The following PHF24 variants were observed in gnomAD, a reference collection of about 807,000 sequenced individuals.
PHF24 encodes the protein PHD finger protein 24.
In PHF24, 25 loss-of-function variants were observed where a neutral mutation model predicts 42.6. The ratio of observed to expected loss-of-function variants is 0.59; its 90% CI spans 0.43 to 0.82. The LOEUF is 0.82. Among genes scored for constraint, PHF24 ranks in the 40% least tolerant of loss-of-function variants. The pLI is 0.00. For synonymous variants in PHF24, 185 were observed against 204.8 expected (o/e 0.90, Z 0.83); for missense variants, 470 against 538.1 (o/e 0.87, Z 1.25).
At chr9:34,963,230 A>G (rs1275084464) in intron 1 of PHF24, among the ~76,000 whole-genome samples, 2 of 151,760 alleles carry the variant, frequency 1.3e-5, no homozygotes, top group Non-Finnish European at 2.9e-5. Flanking sequence ...GATTTCCTCA[A>G]AGACCCGCAC....
At chr9:34,873,981 C>T in the PHF24 span, among the ~76,000 whole-genome samples, 4 of 152,098 alleles carry the variant, frequency 2.6e-5, no homozygotes, top group Admixed American at 2.6e-4. Flanking sequence ...GAAGTTCACT[C>T]ATGATTTGGC....
the PHF24 span, chr9:34,918,378 T>G: frequency 1.2e-5 from 8 of 686,592 alleles, no homozygotes; most frequent in Non-Finnish European, 2.1e-5. Flanking sequence ...TTGTCCCAAT[T>G]GTAACTCGAA....
the PHF24 span, among the ~76,000 whole-genome samples, chr9:34,951,348 T>C: frequency 6.6e-6 from 1 of 152,214 alleles, no homozygotes; most frequent in African/African-American, 2.4e-5. Context: ...AAGGGGTCTT[T>C]GCAGATATGA....
the PHF24 span, chr9:34,665,647 T>C: frequency 5.7e-6 from 4 of 700,104 alleles, no homozygotes; most frequent in African/African-American, 1.8e-5. Context: ...TCGTATCTCC[T>C]CATTCCCGAC....
Position 34,968,534 on chromosome 9 carries a change from C to T in PHF24, c.-4-2761C>T, listed in dbSNP as rs529584756. The stretch of plus-strand genomic sequence containing the variant: ...AATGGAGTCGGGGAGGTGGTTCTTT[C>T]CTTTCCTATCAATCAGTTTATAAAT... On this transcript the variant is annotated intron_variant, in intron 1 of 7. Coordinates refer to ENST00000242315, the Ensembl canonical transcript of PHF24. Among the ~76,000 whole-genome samples the T allele has an allele frequency of 9.2e-5, 14 of 152,242 alleles. 1 individual carries two copies. In the South Asian group the frequency reaches 2.3e-3, roughly 25 times the overall value.
the PHF24 span, among the ~76,000 whole-genome samples, chr9:34,774,927 G>A: frequency 6.6e-6 from 1 of 152,184 alleles, no homozygotes; most frequent in Non-Finnish European, 1.5e-5. Context: ...GTGAGGATGT[G>A]CAGAAATTGG....
chr9:34,835,829 T>C, the PHF24 span: 2 of 1,425,744 alleles, frequency 1.4e-6, no homozygotes, highest in Non-Finnish European at 1.9e-6. Context: ...CTGATATTTC[T>C]GGAATGGAGC....
chr9:34,836,941 C>G, the PHF24 span: 1 of 336,206 alleles, frequency 3.0e-6, no homozygotes, highest in East Asian at 8.3e-5. Context: ...AACTAGTGAA[C>G]CAGCCTCCAC....
chr9:34,692,143 C>T, the PHF24 span, among the ~76,000 whole-genome samples: 1 of 152,116 alleles, frequency 6.6e-6, no homozygotes, highest in Non-Finnish European at 1.5e-5. Context: ...ATGTGAAACG[C>T]CCAGTCACCC....
chr9:34,811,019 A>G, the PHF24 span, among the ~76,000 whole-genome samples: 3 of 152,188 alleles, frequency 2.0e-5, no homozygotes, highest in African/African-American at 4.8e-5. Context: ...ACGAAAGAAT[A>G]AAGGATGTAT....
chr9:34,812,014 A>G, the PHF24 span, among the ~76,000 whole-genome samples: 1 of 152,238 alleles, frequency 6.6e-6, no homozygotes, highest in African/African-American at 2.4e-5. Context: ...AAGATATGCA[A>G]ACGACCAATA....
At chr9:34,894,739 C>T in the PHF24 span, among the ~76,000 whole-genome samples, 1 of 152,220 alleles carries the variant, frequency 6.6e-6, no homozygotes, top group East Asian at 1.9e-4. Flanking sequence ...TTATGGAGAA[C>T]AAGACTGAGA....
chr9:34,703,937 C>T, the PHF24 span, among the ~76,000 whole-genome samples: 23 of 152,266 alleles, frequency 1.5e-4, no homozygotes, highest in African/African-American at 4.8e-4. Context: ...ACTGCAGCCT[C>T]GAACTCCTGA....
chr9:34,817,373 T>C, the PHF24 span, among the ~76,000 whole-genome samples: 1 of 152,128 alleles, frequency 6.6e-6, no homozygotes, highest in African/African-American at 2.4e-5. Context: ...GTCTCCCAAG[T>C]AGCTGGGACT....
At chr9:34,911,122 C>T in the PHF24 span, among the ~76,000 whole-genome samples, 1 of 152,010 alleles carries the variant, frequency 6.6e-6, no homozygotes, top group South Asian at 2.1e-4. Flanking sequence ...CCATGCCCAG[C>T]CTATTTTGTC....
chr9:34,757,910 CAT>C, the PHF24 span, among the ~76,000 whole-genome samples: 2 of 152,044 alleles, frequency 1.3e-5, no homozygotes, highest in East Asian at 3.9e-4. Context: ...GTTAGGAGAA[CAT>C]GTGTGGTTGC....
At chr9:34,937,188 G>A in the PHF24 span, among the ~76,000 whole-genome samples, 4 of 152,234 alleles carry the variant, frequency 2.6e-5, no homozygotes, top group African/African-American at 9.6e-5. Flanking sequence ...GATGATAATG[G>A]CGGTTTTGTG....
the PHF24 span, among the ~76,000 whole-genome samples, chr9:34,868,190 A>T: frequency 6.6e-6 from 1 of 152,112 alleles, no homozygotes; most frequent in Non-Finnish European, 1.5e-5. Flanking sequence ...TGAGCTGAAG[A>T]CTTTGTAGTT....
chr9:34,791,161 A>AG, the PHF24 span, among the ~76,000 whole-genome samples: 1 of 152,266 alleles, frequency 6.6e-6, no homozygotes, highest in Non-Finnish European at 1.5e-5. Flanking sequence ...AAGTGAAAGC[A>AG]GGACAATCAG....
Sources: gnomAD v4.1 joint callset for allele counts (sites outside exome capture counted in the v4.1 genomes callset) on GRCh38, gnomAD v4.1.1 for gene constraint, MANE v1.5 for transcripts, NCBI Gene and HGNC (gene_info 2026-07-23, HGNC 2026-07-21) for gene names.